Variants in YAP1 observed in about 807,000 individuals in gnomAD.
YAP1 encodes the protein transcriptional coactivator YAP1.
A neutral mutation model predicts 56.9 loss-of-function variants in YAP1; 5 were observed. The ratio of observed to expected loss-of-function variants is 0.09; its 90% CI spans 0.05 to 0.18. The LOEUF is 0.18. Among genes scored for constraint, YAP1 ranks in the 10% least tolerant of loss-of-function variants. The pLI is 1.00. For synonymous variants in YAP1, 265 were observed against 248.1 expected (o/e 1.07, Z -0.64); for missense variants, 539 against 651.8 (o/e 0.83, Z 1.88).
chr11:102,181,467 TA>T (rs1331378173), intron 3 of YAP1, among the ~76,000 whole-genome samples: 28 of 151,576 alleles, frequency 1.8e-4, no homozygotes, highest in African/African-American at 2.7e-4. Context: ...AATAAATAAA[TA>T]AAATAAAATA....
At chr11:102,175,182 C>T (rs1363486215) in intron 3 of YAP1, among the ~76,000 whole-genome samples, 1 of 152,052 alleles carries the variant, frequency 6.6e-6, no homozygotes, top group African/African-American at 2.4e-5. Flanking sequence ...GGCAGATCAC[C>T]TGAGGTCAGG....
chr11:102,153,229 A>C (rs1045762335), intron 2 of YAP1, among the ~76,000 whole-genome samples: 13 of 152,268 alleles, frequency 8.5e-5, no homozygotes, highest in African/African-American at 3.1e-4. Context: ...TTCATAGTTC[A>C]TCTTTTGTGT....
At chr11:102,180,401 A>G (rs190954684) in intron 3 of YAP1, among the ~76,000 whole-genome samples, 58 of 152,224 alleles carry the variant, frequency 3.8e-4, no homozygotes, top group African/African-American at 1.3e-3. Flanking sequence ...ATACTGAATG[A>G]GCCAGGCGTG....
intron 4 of YAP1, among the ~76,000 whole-genome samples, chr11:102,205,688 C>G (rs537740053): frequency 6.6e-6 from 1 of 151,732 alleles, no homozygotes; most frequent in Admixed American, 6.6e-5. Flanking sequence ...TTTCTTTTCT[C>G]TTATGACTTC....
At chr11:102,202,134 C>T (rs1165804144) in intron 4 of YAP1, among the ~76,000 whole-genome samples, 2 of 151,930 alleles carry the variant, frequency 1.3e-5, no homozygotes, top group Admixed American at 6.6e-5. Flanking sequence ...TTTCCCTTCG[C>T]TCCAGGTAGC....
At chr11:102,178,305 T>C (rs1947384458) in intron 3 of YAP1, among the ~76,000 whole-genome samples, 1 of 152,220 alleles carries the variant, frequency 6.6e-6, no homozygotes, top group African/African-American at 2.4e-5. Flanking sequence ...GATAATCCTG[T>C]ACTTTGTAGG....
At chr11:102,188,527 A>G (rs1036041032) in intron 4 of YAP1, among the ~76,000 whole-genome samples, 2 of 152,246 alleles carry the variant, frequency 1.3e-5, no homozygotes, top group African/African-American at 2.4e-5. Context: ...GGCAGACCAC[A>G]TATACAGTCG....
chr11:102,217,234 G>A (rs1320736275), intron 6 of YAP1, among the ~76,000 whole-genome samples: 20 of 152,138 alleles, frequency 1.3e-4, no homozygotes, highest in Non-Finnish European at 4.4e-5. Context: ...ATGTAGTTTT[G>A]AAAGTTAAGG....
intron 2 of YAP1, among the ~76,000 whole-genome samples, chr11:102,140,991 C>T (rs530500099): frequency 6.6e-6 from 1 of 152,304 alleles, no homozygotes; most frequent in African/African-American, 2.4e-5. Flanking sequence ...ATTTCTATTT[C>T]ACTGAATGGT....
At chr11:102,227,795 G>A (rs1950265518) in intron 8 of YAP1, among the ~76,000 whole-genome samples, 1 of 152,210 alleles carries the variant, frequency 6.6e-6, no homozygotes, top group African/African-American at 2.4e-5. Context: ...TTGGCCGGGT[G>A]CAGTGGCTCA....
At chr11:102,185,712 G>A (rs542909675) in intron 3 of YAP1, among the ~76,000 whole-genome samples, 1 of 152,078 alleles carries the variant, frequency 6.6e-6, no homozygotes, top group Admixed American at 6.5e-5. Context: ...AAGCTCTTCC[G>A]TGTCTTATGT....
chr11:102,113,614 T>G (rs1426989929), intron 1 of YAP1, among the ~76,000 whole-genome samples: 1 of 152,230 alleles, frequency 6.6e-6, no homozygotes, highest in Non-Finnish European at 1.5e-5. Context: ...TTAAAATTTG[T>G]GTAATTTGTT....
Position 102,191,679 on chromosome 11 carries a change from A to G in YAP1, c.802+5548A>G, listed in dbSNP as rs1398304903. Reference sequence around the variant, plus strand: ...TTTTCTTTTTTTCTTTTCTTCCTTTATTGTTTCTTTCTTTTTTGGAGAGAG... The same window carrying G: ...TTTTCTTTTTTTCTTTTCTTCCTTTGTTGTTTCTTTCTTTTTTGGAGAGAG... On this transcript the variant is annotated intron_variant, in intron 4 of 8. Transcript: ENST00000282441. Among the ~76,000 whole-genome samples, 6 of 151,364 alleles carry G rather than the reference A, an allele frequency of 4.0e-5. No individual in the cohort carries two copies. The East Asian group carries it at 7.7e-4, about 20-fold the overall frequency.
At chr11:102,167,046 T>A (rs1333744713) in intron 3 of YAP1, among the ~76,000 whole-genome samples, 1 of 152,202 alleles carries the variant, frequency 6.6e-6, no homozygotes, top group Non-Finnish European at 1.5e-5. Flanking sequence ...CTTTTATAAG[T>A]CCTTTTTCAA....
intron 2 of YAP1, among the ~76,000 whole-genome samples, chr11:102,131,854 A>G (rs1944384497): frequency 6.6e-6 from 1 of 152,198 alleles, no homozygotes; most frequent in South Asian, 2.1e-4. Context: ...ATTTTGTTCC[A>G]TGGGCAGTGA....
chr11:102,124,773 C>T (rs1565431085), intron 2 of YAP1, among the ~76,000 whole-genome samples: 1 of 152,244 alleles, frequency 6.6e-6, no homozygotes, highest in East Asian at 1.9e-4. Context: ...TCTCACTCTG[C>T]TGCCCAGGTT....
chr11:102,114,221 G>A lies in YAP1; in HGVS notation c.399G>A (p.Gln133=). Residue 133 remains glutamine, a synonymous_variant, in exon 2 of 9, where the codon CAG becomes CAA. Coordinates refer to ENST00000282441, the MANE Select transcript of YAP1 (RefSeq NM_001130145.3). ...VRAHSSPASL[Q]LGAVSPGTLT... is the part of the protein sequence containing the mutation. ...CTCATTCCTCTCCAGCTTCTCTGCA[G>A]TTGGGAGCTGTTTCTCCTGGGACAC... is the stretch of plus-strand genomic sequence containing the variant. The A allele has an allele frequency of 6.2e-7, 1 of 1,614,066 alleles. No individual in the cohort carries two copies. The highest frequency in any genetic ancestry group is 8.5e-7 in the Non-Finnish European group (1 of 1,179,934).
Position 102,217,426 on chromosome 11 carries a change from C to T in YAP1, c.1033-6196C>T, listed in dbSNP as rs150098504. Among the ~76,000 whole-genome samples, 32 of 152,016 alleles carry T rather than the reference C, an allele frequency of 2.1e-4. No homozygotes were observed. The East Asian group carries it at 5.8e-3, about 27-fold the overall frequency. On this transcript the variant is annotated intron_variant, in intron 6 of 8. Transcript: ENST00000282441. ...ACACAAAGCCAAAATGTAGAAATAA[C>T]CCAAATGCCTATCAACAGATGAATA...
chr11:102,114,683 A>G (rs1943165934), intron 2 of YAP1, among the ~76,000 whole-genome samples: 1 of 152,008 alleles, frequency 6.6e-6, no homozygotes, highest in South Asian at 2.1e-4. Flanking sequence ...CTTGTGCCAA[A>G]CCTTTTAATT....
Sources: gnomAD v4.1 joint callset for allele counts (sites outside exome capture counted in the v4.1 genomes callset) on GRCh38, gnomAD v4.1.1 for gene constraint, MANE v1.5 for transcripts, NCBI Gene and HGNC (gene_info 2026-07-23, HGNC 2026-07-21) for gene names.